ITCH: variants seen among roughly 807,000 people sequenced by gnomAD.
The protein encoded by ITCH is itchy E3 ubiquitin protein ligase.
In ITCH, 28 loss-of-function variants were observed where a neutral mutation model predicts 126.8. That is an observed-to-expected ratio of 0.22 (90% CI 0.16 to 0.30). The LOEUF (loss-of-function observed/expected upper bound fraction) is 0.30. Ranked by LOEUF, ITCH falls within the 10% of genes least tolerant of loss-of-function variation. The pLI is 1.00. For synonymous variants in ITCH, 342 were observed against 340.0 expected (o/e 1.01, Z -0.06); for missense variants, 631 against 1,032.4 (o/e 0.61, Z 5.33).
intron 6 of ITCH, among the ~76,000 whole-genome samples, chr20:34,414,488 C>T (rs1353806621): frequency 6.9e-5 from 6 of 86,672 alleles, no homozygotes; most frequent in Admixed American, 3.3e-4. Flanking sequence ...TTTTTTAAGA[C>T]GGAGTTTTGC....
At chr20:34,414,853 T>C (rs1979606636) in intron 6 of ITCH, among the ~76,000 whole-genome samples, 1 of 152,222 alleles carries the variant, frequency 6.6e-6, no homozygotes, top group Non-Finnish European at 1.5e-5. Flanking sequence ...CTTCTACTTC[T>C]GTAGGCTACA....
At chr20:34,406,104 C>T (rs1230256519) in intron 3 of ITCH, among the ~76,000 whole-genome samples, 2 of 152,016 alleles carry the variant, frequency 1.3e-5, no homozygotes. Context: ...TCACTGCAGC[C>T]TTGACCTCCC....
intron 3 of ITCH, among the ~76,000 whole-genome samples, chr20:34,396,254 G>A (rs931933145): frequency 5.3e-5 from 8 of 151,690 alleles, no homozygotes; most frequent in South Asian, 2.1e-4. Flanking sequence ...GGCTGGTCTC[G>A]AACTCCTGAC....
chr20:34,499,217 G>A (rs897016244), intron 23 of ITCH, among the ~76,000 whole-genome samples: 45 of 131,454 alleles, frequency 3.4e-4, no homozygotes, highest in Non-Finnish European at 4.7e-5. Flanking sequence ...CTTGTGATCC[G>A]CCCGCCTTGG....
chr20:34,503,235 A>G (rs1013716173), intron 23 of ITCH, among the ~76,000 whole-genome samples: 2 of 152,182 alleles, frequency 1.3e-5, no homozygotes, highest in African/African-American at 2.4e-5. Flanking sequence ...CAGGTGGGAC[A>G]TGAGAAAGTT....
intron 23 of ITCH, 114 bp downstream of exon 23, chr20:34,492,711 C>T (rs1989602089): frequency 1.3e-6 from 1 of 760,764 alleles, no homozygotes; most frequent in African/African-American, 1.7e-5. Flanking sequence ...ATTTTCTTAA[C>T]TATTCCCAGT....
chr20:34,400,243 T>A (rs1455351094), intron 3 of ITCH, among the ~76,000 whole-genome samples: 3 of 152,028 alleles, frequency 2.0e-5, no homozygotes, highest in Non-Finnish European at 2.9e-5. Context: ...GGCCAAAAAT[T>A]TTTTTTTGTA....
intron 2 of ITCH, among the ~76,000 whole-genome samples, chr20:34,370,786 GACT>G (rs1163269009): frequency 6.6e-6 from 1 of 151,772 alleles, no homozygotes; most frequent in Non-Finnish European, 1.5e-5. Context: ...AGAGAAGGAA[GACT>G]ACTGGGTAAG....
intron 23 of ITCH, among the ~76,000 whole-genome samples, chr20:34,499,905 T>C (rs1360096324): frequency 6.6e-6 from 1 of 152,222 alleles, no homozygotes; most frequent in Non-Finnish European, 1.5e-5. Context: ...ATTTGTTTCA[T>C]GGAATTTTTA....
intron 10 of ITCH, among the ~76,000 whole-genome samples, chr20:34,443,212 A>G (rs1600346768): frequency 6.6e-6 from 1 of 151,952 alleles, no homozygotes; most frequent in Admixed American, 6.6e-5. Context: ...AGCCTTTAAC[A>G]TTAACATTAA....
At chr20:34,414,923 A>G (rs1979621063) in intron 6 of ITCH, among the ~76,000 whole-genome samples, 1 of 152,190 alleles carries the variant, frequency 6.6e-6, no homozygotes. Context: ...AAATCTTACA[A>G]TCTCTGATTT....
chr20:34,481,543 A>G (rs1988751454), intron 20 of ITCH, among the ~76,000 whole-genome samples: 1 of 152,152 alleles, frequency 6.6e-6, no homozygotes, highest in Non-Finnish European at 1.5e-5. Context: ...TGCTGCTGAT[A>G]AAGACATATC....
chr20:34,505,833 C>T (rs981941568), intron 24 of ITCH, among the ~76,000 whole-genome samples: 23 of 152,154 alleles, frequency 1.5e-4, no homozygotes, highest in African/African-American at 5.1e-4. Flanking sequence ...GGATTACAGG[C>T]GTGAGCCACT....
intron 2 of ITCH, among the ~76,000 whole-genome samples, chr20:34,385,215 G>T (rs1388745997): frequency 7.5e-5 from 10 of 133,308 alleles, no homozygotes; most frequent in African/African-American, 3.3e-4. Context: ...GTGTGTGTGT[G>T]TGTGTGGTTT....
intron 14 of ITCH, 114 bp from the exon 15 acceptor site, chr20:34,469,934 A>G (rs1023086713): frequency 2.2e-5 from 18 of 801,868 alleles, no homozygotes; most frequent in South Asian, 1.7e-4. Flanking sequence ...GGAATATGCT[A>G]TATTTTTGAA....
At chr20:34,378,548 T>C (rs1255061414) in intron 2 of ITCH, among the ~76,000 whole-genome samples, 1 of 143,740 alleles carries the variant, frequency 7.0e-6, no homozygotes, top group Non-Finnish European at 1.5e-5. Context: ...TTCTCATGGA[T>C]GAATAAAAAT....
chr20:34,451,364 G>A lies in ITCH; in HGVS notation c.1210+1884G>A, dbSNP rs181643301. Reference sequence around the variant, plus strand: ...AGTCCCAGCTACTCTTGAGGCTGACGTGGGAGGATCGCTTGAGCTTGGGAG... The same window carrying A: ...AGTCCCAGCTACTCTTGAGGCTGACATGGGAGGATCGCTTGAGCTTGGGAG... On this transcript the variant is annotated intron_variant, in intron 12 of 24. Coordinates refer to ENST00000374864, the MANE Select transcript of ITCH (RefSeq NM_031483.7). Among the ~76,000 whole-genome samples the A allele has an allele frequency of 2.6e-5, 4 of 152,230 alleles. No homozygotes were observed. In the East Asian group the frequency reaches 7.7e-4, roughly 29 times the overall value.
chr20:34,453,927 G>A (rs1365277849), intron 12 of ITCH, among the ~76,000 whole-genome samples: 3 of 151,402 alleles, frequency 2.0e-5, no homozygotes, highest in South Asian at 2.1e-4. Context: ...CTGAGAGGTC[G>A]AGGCTGCAGT....
At chr20:34,383,891 C>T (rs2146032610) in intron 2 of ITCH, among the ~76,000 whole-genome samples, 1 of 130,826 alleles carries the variant, frequency 7.6e-6, no homozygotes, top group Middle Eastern at 5.2e-3. Context: ...GTTGTCTAGG[C>T]TGGAGTGCAG....
Sources: allele counts gnomAD v4.1 joint callset (sites outside exome capture counted in the v4.1 genomes callset), GRCh38; gene constraint gnomAD v4.1.1; transcripts MANE v1.5; gene names NCBI Gene and HGNC (gene_info 2026-07-23, HGNC 2026-07-21).